The following NHSL1 variants were observed in gnomAD, a reference collection of about 807,000 sequenced individuals.
NHSL1 encodes the protein NHS like 1, also known as NHS-like protein 1.
In NHSL1, 48 loss-of-function variants were observed where a neutral mutation model predicts 95.0. That is an observed-to-expected ratio of 0.51 (90% CI 0.40 to 0.64). The LOEUF (loss-of-function observed/expected upper bound fraction) is 0.64. Ranked by LOEUF, NHSL1 falls within the 30% of genes least tolerant of loss-of-function variation. The probability of loss-of-function intolerance (pLI) is 0.00; values close to 1 mark genes in which losing one functional copy is unlikely to be tolerated. For synonymous variants in NHSL1, 783 were observed against 833.9 expected (o/e 0.94, Z 1.05); for missense variants, 1,971 against 2,077.7 (o/e 0.95, Z 1.00).
chr6:138,432,393 C>A lies in NHSL1; in HGVS notation c.1952G>T (p.Arg651Leu). The A allele has an allele frequency of 6.4e-7, 1 of 1,552,088 alleles. No homozygotes were observed. Among genetic ancestry groups the A allele is most frequent in the Non-Finnish European group, 8.7e-7 (1 of 1,147,082 alleles). ...VGRAQKNQGD[R>L]SNYQDKSLSR... ...TAGGGATTTATCCTGGTAATTGGAC[C>A]GGTCCCCTTGGTTTTTCTGAGCTCT... is the stretch of plus-strand genomic sequence containing the variant. Residue 651 changes from arginine (R) to leucine (L), a missense_variant, in exon 6 of 8, where the codon CGG (arginine) becomes CTG (leucine). Around this residue, in one of 3 missense-constraint regions of NHSL1, gnomAD observed 1,602 missense variants for 1,654.5 expected, o/e 0.97. Transcript: ENST00000343505. This position sits in a 1 kb window ranked among gnomAD's most constrained non-coding sequence, Gnocchi z 4.4.
chr6:138,456,594 A>G (rs777863155), intron 3 of NHSL1, among the ~76,000 whole-genome samples: 15 of 152,242 alleles, frequency 9.9e-5, no homozygotes, highest in Non-Finnish European at 1.9e-4. Context: ...CATGATTGAT[A>G]TCCTTTCTGC....
chr6:138,443,064 T>C (rs188579067), intron 4 of NHSL1, among the ~76,000 whole-genome samples: 4,635 of 145,802 alleles, frequency 0.032, 107 homozygotes, highest in Non-Finnish European at 0.049. Context: ...CACACACACA[T>C]ATATATATAT....
At chr6:138,446,041 T>A (rs201441557) in intron 4 of NHSL1, among the ~76,000 whole-genome samples, 1 of 144,254 alleles carries the variant, frequency 6.9e-6, no homozygotes, top group Non-Finnish European at 1.5e-5. Context: ...TGATTTTTTT[T>A]TTTTTTTTTT....
At chr6:138,434,087 T>C (rs111913915) in intron 5 of NHSL1, among the ~76,000 whole-genome samples, 1,978 of 152,264 alleles carry the variant, frequency 0.013, 37 homozygotes, top group African/African-American at 0.045. Flanking sequence ...TTCCCAAAGG[T>C]AGATGAATGT....
At position 138,588,890 on chromosome 6, in the gene NHSL1, A is replaced by T. The variant is rs1177632311; in HGVS notation, c.97-92519T>A. 2.0e-5 allele frequency among the ~76,000 whole-genome samples: 3 copies of T among 152,182 alleles called. No homozygotes were observed. The East Asian group carries it at 5.8e-4, about 29-fold the overall frequency. Reference sequence around the variant, plus strand: ...CTGCCTGTTCGAAATAAGACTTTTTACCTCATCCACACACCCCACTGAAAA... The same window carrying T: ...CTGCCTGTTCGAAATAAGACTTTTTTCCTCATCCACACACCCCACTGAAAA... On this transcript the variant is annotated intron_variant, in intron 1 of 3. Coordinates refer to the NHSL1 transcript ENST00000491526.
At position 138,432,649 on chromosome 6, in the gene NHSL1, G is replaced by T. The variant is rs1453836809; in HGVS notation, c.1696C>A (p.Leu566Met). The change falls in exon 6 of 8, where the codon CTG becomes ATG. Residue 566 changes from leucine to methionine, a missense_variant. Transcript: ENST00000343505. This position sits in a 1 kb window ranked among gnomAD's most constrained non-coding sequence, Gnocchi z 4.4. ...KSSGNGRASPLKPHLATPGYS... is the reference protein window; with the variant it reads ...KSSGNGRASPMKPHLATPGYS... ...CCAGGAGTTGCTAAATGCGGCTTCA[G>T]GGGGGATGCCCTTCCATTACCTGAG... The T allele has an allele frequency of 1.3e-6, 2 of 1,551,606 alleles. No homozygotes were observed. Among genetic ancestry groups the T allele is most frequent in the Non-Finnish European group, 1.7e-6 (2 of 1,146,852 alleles).
At chr6:138,645,419 C>A (rs1482060527) in intron 1 of NHSL1, among the ~76,000 whole-genome samples, 1 of 152,070 alleles carries the variant, frequency 6.6e-6, no homozygotes, top group East Asian at 1.9e-4. Context: ...TCCTGGATGT[C>A]CATTAGCCTG....
intron 3 of NHSL1, among the ~76,000 whole-genome samples, chr6:138,469,425 A>T (rs1274783924): frequency 6.6e-6 from 1 of 152,156 alleles, no homozygotes; most frequent in African/African-American, 2.4e-5. Context: ...TTAACTTTAT[A>T]TAGTTAAGAA....
intron 1 of NHSL1, among the ~76,000 whole-genome samples, chr6:138,526,465 A>C (rs997694636): frequency 2.6e-5 from 4 of 152,178 alleles, no homozygotes; most frequent in Non-Finnish European, 4.4e-5. Flanking sequence ...TGGGTGATAG[A>C]GTGAGCCCTG....
intron 1 of NHSL1, among the ~76,000 whole-genome samples, chr6:138,642,507 T>C (rs1784971154): frequency 1.3e-5 from 2 of 152,206 alleles, no homozygotes; most frequent in Admixed American, 6.5e-5. Context: ...GGTTGATGTG[T>C]GTCTCCACTA....
intron 1 of NHSL1, among the ~76,000 whole-genome samples, chr6:138,646,514 T>A (rs962922483): frequency 5.9e-5 from 9 of 151,488 alleles, no homozygotes; most frequent in Admixed American, 5.9e-4. Context: ...AAAAAAAAAA[T>A]TCTTATCAAT....
chr6:138,456,212 A>G (rs1777602765), intron 3 of NHSL1, among the ~76,000 whole-genome samples: 1 of 152,212 alleles, frequency 6.6e-6, no homozygotes, highest in Admixed American at 6.5e-5. Flanking sequence ...AAACCGGAAC[A>G]TGTGGTTTTT....
At chr6:138,475,462 A>C (rs1375580985) in intron 2 of NHSL1, among the ~76,000 whole-genome samples, 1 of 152,062 alleles carries the variant, frequency 6.6e-6, no homozygotes, top group African/African-American at 2.4e-5. Context: ...TCCTGGACTC[A>C]AGCGATCCTT....
chr6:138,603,167 G>A (rs769148777), intron 1 of NHSL1, among the ~76,000 whole-genome samples: 1 of 151,848 alleles, frequency 6.6e-6, no homozygotes, highest in Non-Finnish European at 1.5e-5. Context: ...TATTGAGAGG[G>A]GATTATTTAT....
upstream of NHSL1, among the ~76,000 whole-genome samples, chr6:138,577,373 A>T (rs368313548): frequency 3.7e-4 from 56 of 152,298 alleles, no homozygotes; most frequent in South Asian, 4.4e-3. Flanking sequence ...TTTCATTTCC[A>T]TGTGTAGCTT....
intron 3 of NHSL1, among the ~76,000 whole-genome samples, chr6:138,465,217 C>T (rs1315702215): frequency 6.6e-6 from 1 of 152,076 alleles, no homozygotes; most frequent in Non-Finnish European, 1.5e-5. Flanking sequence ...CTGACTCACC[C>T]AGAACAACTT....
chr6:138,634,819 C>CAA (rs200261699), intron 1 of NHSL1, among the ~76,000 whole-genome samples: 2 of 132,536 alleles, frequency 1.5e-5, no homozygotes, highest in Admixed American at 1.5e-4. Flanking sequence ...CTAAAACATT[C>CAA]AAAAAAAAAA....
upstream of NHSL1, among the ~76,000 whole-genome samples, chr6:138,546,412 G>A (rs533601204): frequency 2.6e-3 from 287 of 110,380 alleles, no homozygotes; most frequent in African/African-American, 9.7e-3. Flanking sequence ...GCAACACAGT[G>A]AGACCCCATC....
chr6:138,543,815 A>C (rs1034546920), intron 1 of NHSL1, among the ~76,000 whole-genome samples: 2 of 152,246 alleles, frequency 1.3e-5, no homozygotes, highest in African/African-American at 4.8e-5. Context: ...ACAAGCTATA[A>C]GTCACAGGAA....
Sources: allele counts gnomAD v4.1 joint callset (sites outside exome capture counted in the v4.1 genomes callset), GRCh38; gene constraint gnomAD v4.1.1; regional missense constraint gnomAD v4.1.1; non-coding constraint Gnocchi (gnomAD v3.1); transcripts MANE v1.5; gene names NCBI Gene and HGNC (gene_info 2026-07-23, HGNC 2026-07-21).